PYROXD2: variants seen among roughly 807,000 people sequenced by gnomAD.
The protein encoded by PYROXD2 is pyridine nucleotide-disulfide oxidoreductase domain-containing protein 2.
In PYROXD2, 69 loss-of-function variants were observed where a neutral mutation model predicts 71.1. That is an observed-to-expected ratio of 0.97 (90% CI 0.80 to 1.19). The LOEUF (loss-of-function observed/expected upper bound fraction) is 1.19. Among genes scored for constraint, PYROXD2 ranks in the 50% most tolerant of loss-of-function variants. The pLI is 0.00. For synonymous variants in PYROXD2, 287 were observed against 302.7 expected, an observed-to-expected ratio of 0.95 and a Z score of 0.54; for missense variants, 745 against 748.9, an observed-to-expected ratio of 0.99 and a Z score of 0.06.
chr10:98,413,812 C>T (rs1006726429), intron 1 of PYROXD2: 1 of 152,144 alleles, frequency 6.6e-6, no homozygotes, highest in Non-Finnish European at 1.5e-5. Flanking sequence ...TCACGATCAT[C>T]CTACTCTTTA....
At chr10:98,400,078 T>C in intron 5 of PYROXD2, 24 bp downstream of exon 5, 1 of 1,608,786 alleles carries the variant, frequency 6.2e-7, no homozygotes, top group Non-Finnish European at 8.5e-7. Context: ...GAGCAGGAGC[T>C]CAGTCACTGG....
Position 98,391,059 on chromosome 10 carries a change from C to T in PYROXD2, c.1086G>A (p.Leu362=). The change falls in exon 11 of 16, where the codon CTG becomes CTA. Residue 362 remains leucine, a synonymous_variant. Coordinates refer to ENST00000370575, the MANE Select transcript of PYROXD2 (RefSeq NM_032709.3). ...GGGTGTCCAGCTGAGAGATTCTCTC[C>T]AGGAACTCCTCAGGAAGCCACTCCT... ...TPQEWLPEEF[L]ERISQLDTRS... is the part of the protein sequence containing the mutation. 1.2e-6 allele frequency: 2 copies of T among 1,613,084 alleles called. No individual in the cohort carries two copies. Among genetic ancestry groups the T allele is most frequent in the Non-Finnish European group, 1.7e-6 (2 of 1,179,188 alleles).
chr10:98,396,882 G>A (rs773229388), intron 6 of PYROXD2, among the ~76,000 whole-genome samples: 2 of 152,184 alleles, frequency 1.3e-5, no homozygotes, highest in African/African-American at 4.8e-5. Flanking sequence ...TGCCCTGTGA[G>A]GCAACCCTTG....
chr10:98,393,930 C>A (rs1482189134), intron 8 of PYROXD2, among the ~76,000 whole-genome samples: 1 of 152,178 alleles, frequency 6.6e-6, no homozygotes, highest in Non-Finnish European at 1.5e-5. Flanking sequence ...CCAGCATTTC[C>A]CCTGCTGTTC....
In PYROXD2 at chr10:98,397,578, C is replaced by G. The variant is rs539731000; in HGVS notation, c.472-80G>C. On this transcript the variant is annotated intron_variant, in intron 5 of 15. Coordinates refer to ENST00000370575, the MANE Select transcript of PYROXD2 (RefSeq NM_032709.3). ...TGTCCCCAGATGGCCTGTCACCCCC[C>G]CACAGCTTGACGGTTCCTCAGGCCT... 9.5e-5 allele frequency: 138 copies of G among 1,455,712 alleles called. 1 individual carries two copies. In the African/African-American group the frequency reaches 1.8e-3, roughly 18 times the overall value. 90.2% of individuals were successfully genotyped at this position (1,455,712 alleles called of 1,614,324 possible). A position where few individuals can be genotyped will look rare whatever the true frequency, so the allele number is the denominator to read the frequency against.
Position 98,399,361 on chromosome 10 carries a change from TA to T in PYROXD2, c.471+740del, listed in dbSNP as rs368843215. On this transcript the variant is annotated intron_variant, in intron 5 of 15. Transcript: ENST00000370575. ...AAAATGTCTCCACTGAGATATGATTTAATGCTACATCTCAGCTAATATCCAG... is the reference window on the plus strand; with the variant it reads ...AAAATGTCTCCACTGAGATATGATTTATGCTACATCTCAGCTAATATCCAG... Among the ~76,000 whole-genome samples the T allele has an allele frequency of 3.3e-4, 50 of 152,342 alleles. 2 individuals are homozygous for T. The East Asian group carries it at 8.7e-3, about 26-fold the overall frequency.
At chr10:98,391,154 C>G (rs1842934056) in intron 10 of PYROXD2, 72 bp from the exon 11 acceptor site, 1 of 978,676 alleles carries the variant, frequency 1.0e-6, no homozygotes, top group African/African-American at 1.6e-5. Context: ...TTTCTTTGCT[C>G]AGGAAGATCC....
intron 8 of PYROXD2, 149 bp downstream of exon 8, chr10:98,395,047 A>G: frequency 1.5e-6 from 1 of 681,604 alleles, no homozygotes. Flanking sequence ...GGTTAAGTGG[A>G]TCGTGTGTGA....
intron 14 of PYROXD2, 87 bp from the exon 15 acceptor site, chr10:98,385,154 A>G: frequency 2.0e-6 from 3 of 1,524,352 alleles, no homozygotes; most frequent in Non-Finnish European, 2.7e-6. Flanking sequence ...CCTGTTCTTC[A>G]GCAAATGTTC....
rs113015930 is a variant in PYROXD2, at chr10:98,395,449, C to A, written c.629G>T (p.Arg210Leu). The A allele has an allele frequency of 6.2e-7, 1 of 1,613,720 alleles. No homozygotes were observed. Among genetic ancestry groups the A allele is most frequent in the Non-Finnish European group, 8.5e-7 (1 of 1,179,644 alleles). The change falls in exon 7 of 16, where the codon CGC becomes CTC. Residue 210 changes from arginine to leucine, a missense_variant. Coordinates refer to ENST00000370575, the MANE Select transcript of PYROXD2 (RefSeq NM_032709.3). ...TCGGGGAAGCTGGGCTCCCAGGATG[C>A]GGCCTACAAGAGAAGATCCACAAAA... is the stretch of plus-strand genomic sequence containing the variant. ...STLKPLLKAG[R>L]ILGAQLPRYY... is the part of the protein sequence containing the mutation.
At chr10:98,390,377 T>G (rs1170205246) in intron 12 of PYROXD2, among the ~76,000 whole-genome samples, 1 of 152,174 alleles carries the variant, frequency 6.6e-6, no homozygotes, top group African/African-American at 2.4e-5. Context: ...CCTCTGCCCC[T>G]TCTGCTAACC....
rs1356937009 is a variant in PYROXD2, at chr10:98,410,953, T to G, written c.133A>C (p.Asn45His). Residue 45 changes from asparagine to histidine, a missense_variant, in exon 2 of 16, where the codon AAC (asparagine) becomes CAC (histidine). Transcript: ENST00000370575. ...YDAVVIGAGH[N>H]GLVAAAYLQR... ...GAGGTACTCACAGCCACCAGTCCGT[T>G]GTGTCCTGCAACAAAACGGGACAGG... 2 of 1,564,090 alleles carry G rather than the reference T, an allele frequency of 1.3e-6. No homozygotes were observed. Among genetic ancestry groups the G allele is most frequent in the South Asian group, 1.2e-5 (1 of 84,838 alleles).
chr10:98,413,264 T>C (rs933062665), intron 1 of PYROXD2, among the ~76,000 whole-genome samples: 5 of 152,232 alleles, frequency 3.3e-5, no homozygotes, highest in Non-Finnish European at 7.3e-5. Flanking sequence ...AATTTATTTT[T>C]TGTGGTCAGG....
chr10:98,391,123 G>A, intron 10 of PYROXD2, 41 bp from the exon 11 acceptor site: 1 of 1,291,276 alleles, frequency 7.7e-7, no homozygotes, highest in Non-Finnish European at 1.1e-6. Context: ...AGATGTCCAA[G>A]GCCCCAAGGA....
chr10:98,398,557 A>G (rs1245075568), intron 5 of PYROXD2, among the ~76,000 whole-genome samples: 2 of 152,224 alleles, frequency 1.3e-5, no homozygotes, highest in Non-Finnish European at 2.9e-5. Flanking sequence ...TTAAAAATGA[A>G]GTTAAACAGC....
At chr10:98,414,869 G>C in intron 1 of PYROXD2, 140 bp downstream of exon 1, 1 of 1,295,582 alleles carries the variant, frequency 7.7e-7, no homozygotes, top group Middle Eastern at 2.0e-4. Flanking sequence ...TGCAGCCCCT[G>C]CTAGCGTATA....
At chr10:98,408,028 C>A in intron 2 of PYROXD2, 31 bp from the exon 3 acceptor site, 1 of 1,569,482 alleles carries the variant, frequency 6.4e-7, no homozygotes. Flanking sequence ...CAGGGCCCTC[C>A]CTTTATCCCT....
chr10:98,411,390 G>A (rs1194928070), intron 1 of PYROXD2: 1 of 191,390 alleles, frequency 5.2e-6, no homozygotes, highest in East Asian at 1.5e-4. Flanking sequence ...AGCATCCAGG[G>A]GAGTGCTGGT....
chr10:98,401,169 C>T (rs1590961641), intron 4 of PYROXD2, among the ~76,000 whole-genome samples: 1 of 149,912 alleles, frequency 6.7e-6, no homozygotes, highest in East Asian at 2.0e-4. Context: ...AGGAGAATTG[C>T]TCGAACCTGG....
Sources: allele counts gnomAD v4.1 joint callset (sites outside exome capture counted in the v4.1 genomes callset), GRCh38; gene constraint gnomAD v4.1.1; transcripts MANE v1.5; gene names NCBI Gene and HGNC (gene_info 2026-07-23, HGNC 2026-07-21).